The following PNPLA6 variants were observed in gnomAD, a reference collection of about 807,000 sequenced individuals.
PNPLA6 encodes patatin-like phospholipase domain-containing protein 6.
PNPLA6 carries 105 observed loss-of-function variants against 153.7 expected under a neutral mutation model. The observed-to-expected ratio is 0.68, with a 90% CI of 0.58 to 0.80. The LOEUF is 0.80. Ranked by LOEUF, PNPLA6 falls within the 30% of genes least tolerant of loss-of-function variation. The pLI is 0.00. For synonymous variants in PNPLA6, 825 were observed against 822.2 expected (o/e 1.00, Z -0.06); for missense variants, 1,423 against 1,919.3 (o/e 0.74, Z 4.83).
At chr19:7,536,128 C>T in intron 1 of PNPLA6, 63 bp from the exon 2 acceptor site, 1 of 1,532,044 alleles carries the variant, frequency 6.5e-7, no homozygotes, top group Non-Finnish European at 9.0e-7. Context: ...TCGCGGTACC[C>T]CAGCTCTGGC....
chr19:7,551,233 G>C, intron 17 of PNPLA6, 126 bp downstream of exon 17: 1 of 1,044,916 alleles, frequency 9.6e-7, no homozygotes, highest in South Asian at 1.3e-5. Flanking sequence ...GCGAGAGAGT[G>C]AGGGCGGGGG....
In PNPLA6 at chr19:7,555,533, G is replaced by T. The variant is rs1456429245; in HGVS notation, c.2937-74G>T. ...CCTTTGTTCCTTAGCAGTGCGGGAG[G>T]TGGGAGGAGGTAGGGGCAGGGGAGT... On this transcript the variant is annotated intron_variant, in intron 23 of 31. Coordinates refer to ENST00000600737, the MANE Select transcript of PNPLA6 (RefSeq NM_001166114.2). The surrounding 1 kb of genome is among the most constrained non-coding windows in gnomAD (Gnocchi z 6.3). 1 of 1,537,516 alleles carries T rather than the reference G, an allele frequency of 6.5e-7. No individual in the cohort carries two copies. The highest frequency in any genetic ancestry group is 1.4e-5 in the African/African-American group (1 of 73,494).
chr19:7,535,550 G>A (rs1011326919), upstream of PNPLA6: 4 of 1,603,516 alleles, frequency 2.5e-6, no homozygotes, highest in South Asian at 1.1e-5. This position sits in a 1 kb window ranked among gnomAD's most constrained non-coding sequence, Gnocchi z 5.0. Context: ...GGAATCAACC[G>A]ATGGAGGCTC....
chr19:7,538,357 T>A (rs1362113196), intron 3 of PNPLA6, among the ~76,000 whole-genome samples: 1 of 152,010 alleles, frequency 6.6e-6, no homozygotes, highest in Non-Finnish European at 1.5e-5. Context: ...ATTTTTAAAT[T>A]TTTTTGTAGA....
rs1173980380 is a variant in PNPLA6, at chr19:7,541,554, C to T, written c.1038C>T (p.Pro346=). The T allele has an allele frequency of 2.4e-5, 39 of 1,602,598 alleles. No individual in the cohort carries two copies. The highest frequency in any genetic ancestry group is 5.1e-5 in the Admixed American group (3 of 58,594). Residue 346 remains proline (P), a synonymous_variant, in exon 9 of 32, where the codon CCC becomes CCT. Transcript: ENST00000600737. The surrounding 1 kb of genome is among the most constrained non-coding windows in gnomAD (Gnocchi z 5.2). ...AGCCCCTGCGTCTGTTCCCCAGCCC[C>T]GGCCTCCCAACTCGCACCAGCCCTG... ...EIQPLRLFPS[P]GLPTRTSPVR...
At position 7,551,345 on chromosome 19, in the gene PNPLA6, G is replaced by T. The variant is rs1467880063; in HGVS notation, c.2185-17G>T. ...CTTCCCAGGTCTCACTGAAATGCCG[G>T]CCTCCAACGCCCCCAGGTCGTGACC... On this transcript the variant is annotated splice_polypyrimidine_tract_variant and intron_variant, in intron 17 of 31. Transcript: ENST00000600737. 6.2e-7 allele frequency: 1 copy of T among 1,613,052 alleles called. No individual in the cohort carries two copies. The highest frequency in any genetic ancestry group is 8.5e-7 in the Non-Finnish European group (1 of 1,179,224).
At chr19:7,535,212 A>C (rs2146034631), upstream of PNPLA6, 1 of 534,192 alleles carries the variant, frequency 1.9e-6, no homozygotes, top group Middle Eastern at 5.0e-4. The surrounding 1 kb of genome is among the most constrained non-coding windows in gnomAD (Gnocchi z 5.0). Context: ...AGTGGGTACC[A>C]GGTCGGCCTT....
intron 26 of PNPLA6, 122 bp downstream of exon 26, chr19:7,556,846 G>T (rs1317302631): frequency 2.5e-6 from 2 of 792,844 alleles, no homozygotes; most frequent in East Asian, 5.1e-5. Flanking sequence ...ACCCTGGCCC[G>T]ATCACCGACC....
intron 29 of PNPLA6, 62 bp downstream of exon 29, chr19:7,560,826 T>A: frequency 8.6e-7 from 1 of 1,166,414 alleles, no homozygotes; most frequent in Non-Finnish European, 1.3e-6. Context: ...CAAGCCCCCT[T>A]AAAGTCTCCC....
In PNPLA6 at chr19:7,558,873, G is replaced by T; in HGVS notation, c.3421G>T (p.Ala1141Ser). ...LPADIARSMG[A>S]KTVIAIDVGS... is the part of the protein sequence containing the mutation. ...AGCGGACATCGCCCGCAGCATGGGT[G>T]CCAAAACGGTCATCGCCATTGACGT... The change falls in exon 28 of 32, where the codon GCC (alanine) becomes TCC (serine). Residue 1141 changes from alanine to serine, a missense_variant. By Grantham distance (99) the Ala-to-Ser change is moderately conservative. Coordinates refer to ENST00000600737, the MANE Select transcript of PNPLA6 (RefSeq NM_001166114.2). 1 of 1,611,736 alleles carries T rather than the reference G, an allele frequency of 6.2e-7. No individual in the cohort carries two copies. Among genetic ancestry groups the T allele is most frequent in the African/African-American group, 1.3e-5 (1 of 75,048 alleles).
In PNPLA6 at chr19:7,555,678, C is replaced by T. The variant is rs1599306216; in HGVS notation, c.3008C>T (p.Thr1003Met). The T allele has an allele frequency of 1.2e-6, 2 of 1,613,420 alleles. No homozygotes were observed. The highest frequency in any genetic ancestry group is 1.7e-6 in the Non-Finnish European group (2 of 1,179,774). ...AGVPVDLVGGTSIGSFIGALY... is the reference protein window; with the variant it reads ...AGVPVDLVGGMSIGSFIGALY... ...GTCCCCGTGGACCTGGTGGGCGGCACGTCCATTGGCTCTTTCATCGGAGCG... is the reference window on the plus strand; with the variant it reads ...GTCCCCGTGGACCTGGTGGGCGGCATGTCCATTGGCTCTTTCATCGGAGCG... The change falls in exon 24 of 32, where the codon ACG (threonine) becomes ATG (methionine). Residue 1003 changes from threonine (T) to methionine (M), a missense_variant. Transcript: ENST00000600737. This position sits in a 1 kb window ranked among gnomAD's most constrained non-coding sequence, Gnocchi z 6.3.
chr19:7,538,702 A>C (rs1237790201), intron 3 of PNPLA6, among the ~76,000 whole-genome samples: 3 of 152,142 alleles, frequency 2.0e-5, no homozygotes, highest in Admixed American at 2.0e-4. Context: ...TGGCTGTCAG[A>C]GGGGCTGTCT....
At chr19:7,544,953 G>A (rs2023321987) in intron 13 of PNPLA6, among the ~76,000 whole-genome samples, 1 of 152,140 alleles carries the variant, frequency 6.6e-6, no homozygotes, top group Non-Finnish European at 1.5e-5. Flanking sequence ...ACGCTGGTCT[G>A]CAGCCCCTCA....
In PNPLA6 at chr19:7,555,567, G is replaced by A; in HGVS notation, c.2937-40G>A. ...GGTAGGGGCAGGGGAGTTCCTGCAG[G>A]TGGGGCCTAGCGGGTCACTGGGGCC... On this transcript the variant is annotated intron_variant, in intron 23 of 31. Coordinates refer to ENST00000600737, the MANE Select transcript of PNPLA6 (RefSeq NM_001166114.2). The surrounding 1 kb of genome is among the most constrained non-coding windows in gnomAD (Gnocchi z 6.3). 6.2e-7 allele frequency: 1 copy of A among 1,605,766 alleles called. No individual in the cohort carries two copies. The highest frequency in any genetic ancestry group is 8.5e-7 in the Non-Finnish European group (1 of 1,175,818).
upstream of PNPLA6, chr19:7,535,155 G>A (rs544634962): frequency 2.7e-5 from 11 of 407,324 alleles, no homozygotes; most frequent in African/African-American, 2.2e-4. This position sits in a 1 kb window ranked among gnomAD's most constrained non-coding sequence, Gnocchi z 5.0. Context: ...GAAGTCACCA[G>A]GTGCAGAGGA....
At position 7,555,355 on chromosome 19, in the gene PNPLA6, G is replaced by A. The variant is rs1599305317; in HGVS notation, c.2924G>A (p.Gly975Glu). The A allele has an allele frequency of 6.4e-7, 1 of 1,552,480 alleles. No homozygotes were observed. Among genetic ancestry groups the A allele is most frequent in the Non-Finnish European group, 8.7e-7 (1 of 1,146,662 alleles). The part of the protein sequence containing the change: ...TGNTIALVLG[G>E]GGARGCSHIG... Reference sequence around the variant, plus strand: ...AACACCATTGCCCTTGTGCTAGGCGGGGGCGGGGCCAGGTGAGGGCGGGGC... The same window carrying A: ...AACACCATTGCCCTTGTGCTAGGCGAGGGCGGGGCCAGGTGAGGGCGGGGC... The change falls in exon 23 of 32, where the codon GGG (glycine) becomes GAG (glutamate). Residue 975 changes from glycine to glutamate, a missense_variant. Around this residue, in one of 10 missense-constraint regions of PNPLA6, gnomAD observed 643 missense variants for 835.2 expected, o/e 0.77. Coordinates refer to ENST00000600737, the MANE Select transcript of PNPLA6 (RefSeq NM_001166114.2). The surrounding 1 kb of genome is among the most constrained non-coding windows in gnomAD (Gnocchi z 6.3).
intron 13 of PNPLA6, chr19:7,549,593 A>G (rs1249998197): frequency 7.2e-5 from 30 of 416,030 alleles, no homozygotes; most frequent in South Asian, 6.1e-4. Flanking sequence ...GGTTCAGGCA[A>G]TTCTCTTGCC....
Position 7,554,165 on chromosome 19 carries a change from C to T in PNPLA6, c.2402-44C>T, listed in dbSNP as rs1270374281. On this transcript the variant is annotated intron_variant, in intron 19 of 31. Transcript: ENST00000600737. ...TTCTTTTCTGAGTTAGGCCCCAGCC[C>T]TGTGGACCATGGTTCCCAGCCTCCC... 4 of 1,596,664 alleles carry T rather than the reference C, an allele frequency of 2.5e-6. No homozygotes were observed. In the Admixed American group the frequency reaches 6.7e-5, roughly 27 times the overall value.
Position 7,555,024 on chromosome 19 carries a change from G to A in PNPLA6, c.2766G>A (p.Leu922=). 6.3e-7 allele frequency: 1 copy of A among 1,593,636 alleles called. No individual in the cohort carries two copies. The highest frequency in any genetic ancestry group is 2.2e-5 in the East Asian group (1 of 44,686). The change falls in exon 22 of 32, where the codon CTG becomes CTA. Residue 922 remains leucine (L), a synonymous_variant. Coordinates refer to ENST00000600737, the MANE Select transcript of PNPLA6 (RefSeq NM_001166114.2). This position sits in a 1 kb window ranked among gnomAD's most constrained non-coding sequence, Gnocchi z 6.3. ...TGCGCAGCTGGTGCTCGGGGCACCTGCACCTGCGCTGTCCGCGCCGCCTCT... is the reference window on the plus strand; with the variant it reads ...TGCGCAGCTGGTGCTCGGGGCACCTACACCTGCGCTGTCCGCGCCGCCTCT... ...LNMRSWCSGH[L]HLRCPRRLFS... is the part of the protein sequence containing the mutation.
Sources: allele counts gnomAD v4.1 joint callset (sites outside exome capture counted in the v4.1 genomes callset), GRCh38; gene constraint gnomAD v4.1.1; regional missense constraint gnomAD v4.1.1; non-coding constraint Gnocchi (gnomAD v3.1); transcripts MANE v1.5; gene names NCBI Gene and HGNC (gene_info 2026-07-23, HGNC 2026-07-21).